Variants in LGR4 observed in about 807,000 individuals in gnomAD.
LGR4 encodes the protein leucine rich repeat containing G protein-coupled receptor 4.
A neutral mutation model predicts 84.8 loss-of-function variants in LGR4; 44 were observed. That is an observed-to-expected ratio of 0.52 (90% CI 0.41 to 0.67). The LOEUF (loss-of-function observed/expected upper bound fraction) is 0.67. Ranked by LOEUF, LGR4 falls within the 30% of genes least tolerant of loss-of-function variation. The pLI, the probability that LGR4 is intolerant of heterozygous loss-of-function variation, is 0.00. For missense variants in LGR4, 1,032 were observed against 1,131.4 expected (o/e 0.91, Z 1.26); for synonymous variants, 429 against 434.3 (o/e 0.99, Z 0.15).
chr11:27,468,389 A>G (rs1054242662), intron 1 of LGR4, among the ~76,000 whole-genome samples: 3 of 152,194 alleles, frequency 2.0e-5, no homozygotes, highest in Non-Finnish European at 4.4e-5. Flanking sequence ...AACCAGGGCT[A>G]TTCTACCCTA....
intron 4 of LGR4, among the ~76,000 whole-genome samples, chr11:27,389,451 A>G (rs1381349222): frequency 1.3e-5 from 2 of 152,142 alleles, no homozygotes; most frequent in Non-Finnish European, 2.9e-5. Flanking sequence ...GATTTCTGTG[A>G]AAAACATCAC....
At chr11:27,431,227 A>C (rs2133421272) in intron 1 of LGR4, among the ~76,000 whole-genome samples, 2 of 152,324 alleles carry the variant, frequency 1.3e-5, no homozygotes, top group Admixed American at 1.3e-4. Context: ...CCTGGGAATG[A>C]GAATTTGATA....
intron 2 of LGR4, among the ~76,000 whole-genome samples, chr11:27,406,471 CA>C (rs1390161393): frequency 1.3e-5 from 2 of 152,094 alleles, no homozygotes; most frequent in African/African-American, 4.8e-5. Flanking sequence ...GGCTCCCAAT[CA>C]GCAAAATGGG....
At chr11:27,386,851 A>AG (rs1338144907) in intron 4 of LGR4, among the ~76,000 whole-genome samples, 3 of 152,240 alleles carry the variant, frequency 2.0e-5, no homozygotes, top group Non-Finnish European at 4.4e-5. Context: ...GAATCTACCT[A>AG]GAAACACACA....
chr11:27,437,860 C>G (rs551618568), intron 1 of LGR4, among the ~76,000 whole-genome samples: 1 of 152,004 alleles, frequency 6.6e-6, no homozygotes, highest in South Asian at 2.1e-4. Flanking sequence ...AAAAATACAG[C>G]CAGGAGGGGT....
chr11:27,434,076 T>C (rs971100492), intron 1 of LGR4, among the ~76,000 whole-genome samples: 3 of 152,250 alleles, frequency 2.0e-5, no homozygotes, highest in African/African-American at 7.2e-5. Context: ...CAGAGCCTTC[T>C]GGGAACTTAA....
At chr11:27,423,104 A>G (rs28620447) in intron 1 of LGR4, among the ~76,000 whole-genome samples, 1 of 152,134 alleles carries the variant, frequency 6.6e-6, no homozygotes, top group Non-Finnish European at 1.5e-5. Context: ...AAACAAAGGG[A>G]AAAAAACACA....
chr11:27,395,900 G>A (rs1398489438), intron 2 of LGR4, among the ~76,000 whole-genome samples: 1 of 152,142 alleles, frequency 6.6e-6, no homozygotes, highest in Non-Finnish European at 1.5e-5. Context: ...GATGCTTCAT[G>A]TCTAAAAGCT....
At chr11:27,437,497 A>G (rs1407591721) in intron 1 of LGR4, among the ~76,000 whole-genome samples, 1 of 152,198 alleles carries the variant, frequency 6.6e-6, no homozygotes, top group Non-Finnish European at 1.5e-5. Flanking sequence ...GTTAAAATTG[A>G]GAAGGAGTGA....
At chr11:27,383,717 A>G (rs561572073) in intron 6 of LGR4, among the ~76,000 whole-genome samples, 4 of 152,200 alleles carry the variant, frequency 2.6e-5, no homozygotes, top group Non-Finnish European at 5.9e-5. Flanking sequence ...AAATTACATT[A>G]TCTTTGAATG....
At position 27,368,259 on chromosome 11, in the gene LGR4, T is replaced by G; in HGVS notation, c.2464A>C (p.Lys822Gln). 1 of 1,614,236 alleles carries G rather than the reference T, an allele frequency of 6.2e-7. No individual in the cohort carries two copies. Residue 822 changes from lysine (K) to glutamine (Q), a missense_variant, in exon 18 of 18, where the codon AAA becomes CAA. Physicochemically the swap from Lys to Gln is moderately conservative, Grantham distance 53. Coordinates refer to ENST00000379214, the MANE Select transcript of LGR4 (RefSeq NM_018490.5). ...ATGGAAACTGAAACTGATCCACTTT[T>G]CTTGGTAACACGTCGCTTCAGTAAC... is the stretch of plus-strand genomic sequence containing the variant. ...WKLLKRRVTK[K>Q]SGSVSVSISS... is the part of the protein sequence containing the mutation.
intron 2 of LGR4, among the ~76,000 whole-genome samples, chr11:27,397,959 T>A (rs1323560675): frequency 6.6e-6 from 1 of 152,202 alleles, no homozygotes. Context: ...TCCTCTAGAT[T>A]TCCGCTTTCC....
chr11:27,431,935 C>T (rs187542892), intron 1 of LGR4, among the ~76,000 whole-genome samples: 6 of 152,306 alleles, frequency 3.9e-5, no homozygotes, highest in Non-Finnish European at 8.8e-5. Context: ...CACAAGGTTG[C>T]TGTGAGAATA....
chr11:27,425,181 T>A (rs1863999044), intron 1 of LGR4, among the ~76,000 whole-genome samples: 1 of 152,194 alleles, frequency 6.6e-6, no homozygotes. Context: ...GATCTTCACA[T>A]GGTTGAAGAG....
chr11:27,463,159 C>T (rs1023360304), intron 1 of LGR4, among the ~76,000 whole-genome samples: 1 of 149,750 alleles, frequency 6.7e-6, no homozygotes, highest in African/African-American at 2.5e-5. Context: ...GACTGAGGTA[C>T]GAGGATGCCC....
At chr11:27,417,255 GA>G (rs533683626) in intron 1 of LGR4, among the ~76,000 whole-genome samples, 23 of 146,176 alleles carry the variant, frequency 1.6e-4, no homozygotes, top group African/African-American at 4.3e-4. Flanking sequence ...TCTAGGAAAA[GA>G]AAAAAAAAAT....
At chr11:27,393,088 A>C (rs1863316956) in intron 2 of LGR4, among the ~76,000 whole-genome samples, 1 of 152,176 alleles carries the variant, frequency 6.6e-6, no homozygotes. Flanking sequence ...AGAAATTTTG[A>C]CATGACAAAT....
chr11:27,448,697 T>C (rs1291627415), intron 1 of LGR4, among the ~76,000 whole-genome samples: 2 of 152,232 alleles, frequency 1.3e-5, no homozygotes, highest in Non-Finnish European at 2.9e-5. Flanking sequence ...TTCATGAGTC[T>C]GAATAAAACA....
chr11:27,437,655 G>A (rs1178172037), intron 1 of LGR4, among the ~76,000 whole-genome samples: 2 of 142,388 alleles, frequency 1.4e-5, no homozygotes, highest in Non-Finnish European at 3.0e-5. Context: ...CTCTTTTAAA[G>A]GACTAGTGTG....
Sources: gnomAD v4.1 joint callset for allele counts (sites outside exome capture counted in the v4.1 genomes callset) on GRCh38, gnomAD v4.1.1 for gene constraint, MANE v1.5 for transcripts, NCBI Gene and HGNC (gene_info 2026-07-23, HGNC 2026-07-21) for gene names.